Variants in RAD21L1 observed in about 807,000 individuals in gnomAD.
RAD21L1 encodes the protein double-strand-break repair protein rad21-like protein 1.
A neutral mutation model predicts 69.0 loss-of-function variants in RAD21L1; 47 were observed. The observed-to-expected ratio is 0.68, with a 90% confidence interval of 0.54 to 0.87. RAD21L1 has a LOEUF of 0.87. Among genes scored for constraint, RAD21L1 ranks in the 40% least tolerant of loss-of-function variants. The pLI, the probability that RAD21L1 is intolerant of heterozygous loss-of-function variation, is 0.00. For synonymous variants in RAD21L1, 177 were observed against 205.8 expected (o/e 0.86, Z 1.20); for missense variants, 583 against 647.6 (o/e 0.90, Z 1.08).
Position 1,254,433 on chromosome 20 carries a change from G to T in RAD21L1, c.1644G>T (p.Met548Ile). 1 of 1,541,442 alleles carries T rather than the reference G, an allele frequency of 6.5e-7. No homozygotes were observed. The stretch of plus-strand genomic sequence containing the variant: ...CCTATGCAGATATTATAGCTACGAT[G>T]GGACCAATGTTTTATAACATATGAA... ...SAPYADIIAT[M>I]GPMFYNI is the part of the protein sequence containing the mutation. Residue 548 changes from methionine (M) to isoleucine (I), a missense_variant, in exon 14 of 14, where the codon ATG (methionine) becomes ATT (isoleucine). By Grantham distance (10) the Met-to-Ile change is conservative (BLOSUM62 1). Transcript: ENST00000683101.
chr20:1,228,178 C>A (rs1447253428), intron 1 of RAD21L1, among the ~76,000 whole-genome samples: 2 of 152,118 alleles, frequency 1.3e-5, no homozygotes, highest in Non-Finnish European at 2.9e-5. Flanking sequence ...ATGAAGAAAT[C>A]ATTAATCAGG....
chr20:1,255,219 C>G lies in RAD21L1; in HGVS notation c.*762C>G, dbSNP rs1249411280. Among the ~76,000 whole-genome samples, 1 of 152,106 alleles carries G rather than the reference C, an allele frequency of 6.6e-6. No individual in the cohort carries two copies. Among genetic ancestry groups the G allele is most frequent in the Non-Finnish European group, 1.5e-5 (1 of 68,016 alleles). On this transcript the variant is annotated 3_prime_UTR_variant, in exon 14 of 14. Coordinates refer to ENST00000683101, the MANE Select transcript of RAD21L1 (RefSeq NM_001384355.1). ...ATTATTATAATCACCATTAATGTGT[C>G]AGCAAAACTAAATCTGCTTCTTATG...
At chr20:1,234,757 A>T (rs539357826) in intron 5 of RAD21L1, among the ~76,000 whole-genome samples, 8 of 150,602 alleles carry the variant, frequency 5.3e-5, no homozygotes, top group East Asian at 1.9e-4. Flanking sequence ...TTATTTTTAA[A>T]TTTTTTTTTT....
chr20:1,249,336 C>CA (rs1459534211), intron 13 of RAD21L1, among the ~76,000 whole-genome samples: 4 of 152,118 alleles, frequency 2.6e-5, no homozygotes, highest in African/African-American at 9.7e-5. Flanking sequence ...ATACTTTTAG[C>CA]ATAGTGTTAT....
intron 4 of RAD21L1, among the ~76,000 whole-genome samples, chr20:1,232,486 C>T (rs1357436805): frequency 5.3e-5 from 8 of 152,190 alleles, no homozygotes; most frequent in Admixed American, 5.2e-4. Flanking sequence ...AGTTCTCAGT[C>T]ATCATCTCAC....
chr20:1,238,202 G>A lies in RAD21L1; in HGVS notation c.634G>A (p.Gly212Arg), dbSNP rs1326636703. Reference protein sequence around the residue: ...GDGFGDEGAAGEMIDNLLQDD... With the variant: ...GDGFGDEGAAREMIDNLLQDD... ...TGGGTTTGGAGATGAAGGAGCTGCA[G>A]GAGAAATGATTGGTATGCTATCTGG... The change falls in exon 6 of 14, where the codon GGA (glycine) becomes AGA (arginine). Residue 212 changes from glycine to arginine, a missense_variant. Gly to Arg is a moderately radical substitution (Grantham distance 125). Coordinates refer to ENST00000683101, the MANE Select transcript of RAD21L1 (RefSeq NM_001384355.1). 1.3e-6 allele frequency: 2 copies of A among 1,512,390 alleles called. No homozygotes were observed. The highest frequency in any genetic ancestry group is 8.9e-7 in the Non-Finnish European group (1 of 1,122,428). 93.7% of individuals were successfully genotyped at this position (1,512,390 alleles called of 1,614,324 possible).
rs576509634 is a variant in RAD21L1 at position 1,228,432 on chromosome 20, A to G, written c.-22A>G. On this transcript the variant is annotated 5_prime_UTR_variant, in exon 2 of 14. It adds an upstream start codon to the 5' untranslated region. Transcript: ENST00000683101. The stretch of plus-strand genomic sequence containing the variant: ...TCGTGTTCTCTCTAGTTTGTTAAAT[A>G]CAAGTAAGGAACACAGGCAACATGT... 2 of 1,452,852 alleles carry G rather than the reference A, an allele frequency of 1.4e-6. No homozygotes were observed. Among genetic ancestry groups the G allele is most frequent in the South Asian group, 1.5e-5 (1 of 68,750 alleles). The allele number at this position is 1,452,852 out of a possible 1,614,324, so 90.0% of individuals were successfully genotyped here. A position where few individuals can be genotyped will look rare whatever the true frequency, so the allele number is the denominator to read the frequency against.
chr20:1,244,904 A>G (rs2087689226), intron 11 of RAD21L1, among the ~76,000 whole-genome samples: 2 of 152,212 alleles, frequency 1.3e-5, no homozygotes, highest in Admixed American at 6.5e-5. Flanking sequence ...ACAATTTCAC[A>G]GTGCATTCAA....
In RAD21L1 at chr20:1,255,004, A is replaced by G. The variant is rs185756212; in HGVS notation, c.*547A>G. Among the ~76,000 whole-genome samples, 6 of 152,314 alleles carry G rather than the reference A, an allele frequency of 3.9e-5. No homozygotes were observed. In the East Asian group the frequency reaches 9.6e-4, roughly 24 times the overall value. ...GTATTTACTTGAATTTTATGGGGTT[A>G]ATGAAAACATCATTATTTCTACACA... On this transcript the variant is annotated 3_prime_UTR_variant, in exon 14 of 14. Transcript: ENST00000683101.
At chr20:1,235,772 CT>C (rs11475976) in intron 5 of RAD21L1, among the ~76,000 whole-genome samples, 31,735 of 145,594 alleles carry the variant, frequency 0.22, 3,361 homozygotes, top group Non-Finnish European at 0.25. Flanking sequence ...TTTAGGATCA[CT>C]TTTTTTTTTT....
chr20:1,243,250 T>C, intron 10 of RAD21L1, 54 bp downstream of exon 10: 1 of 872,320 alleles, frequency 1.1e-6, no homozygotes, highest in South Asian at 1.9e-5. Flanking sequence ...AAACAAAAAT[T>C]TGATGTTTTA....
intron 1 of RAD21L1, 89 bp downstream of exon 1, chr20:1,226,229 C>A (rs1304243714): frequency 3.3e-5 from 5 of 151,978 alleles, no homozygotes; most frequent in Admixed American, 1.3e-4. Context: ...TTCCCACACG[C>A]ACCCGGCGCC....
intron 13 of RAD21L1, among the ~76,000 whole-genome samples, chr20:1,249,429 A>G (rs1259671441): frequency 2.6e-5 from 4 of 152,214 alleles, no homozygotes; most frequent in Non-Finnish European, 2.9e-5. Flanking sequence ...CTTAAAAAAG[A>G]CAGAAGTTTA....
rs773360664 is a variant in RAD21L1, at chr20:1,246,331, T to C, written c.1401+26T>C. On this transcript the variant is annotated intron_variant, in intron 12 of 13. Coordinates refer to ENST00000683101, the MANE Select transcript of RAD21L1 (RefSeq NM_001384355.1). This position sits in a 1 kb window ranked among gnomAD's most constrained non-coding sequence, Gnocchi z 4.6. ...GTAAATATATGTGTAGTCTTGGGGA[T>C]GTTCTTAAAAACTTTATTCCTAAAT... 8.1e-7 allele frequency: 1 copy of C among 1,241,138 alleles called. No homozygotes were observed. Among genetic ancestry groups the C allele is most frequent in the Non-Finnish European group, 1.1e-6 (1 of 911,310 alleles). 76.9% of individuals were successfully genotyped at this position (1,241,138 alleles called of 1,614,324 possible). A position where few individuals can be genotyped will look rare whatever the true frequency, so the allele number is the denominator to read the frequency against.
intron 5 of RAD21L1, 131 bp from the exon 6 acceptor site, chr20:1,237,909 GTCTT>G: frequency 8.2e-6 from 4 of 486,582 alleles, no homozygotes; most frequent in Non-Finnish European, 1.4e-5. Flanking sequence ...ATTCAAGTAA[GTCTT>G]TCAGCCATTC....
rs2087919184 is a variant in RAD21L1, at chr20:1,255,586, A to G, written c.*1129A>G. On this transcript the variant is annotated 3_prime_UTR_variant, in exon 14 of 14. Coordinates refer to ENST00000683101, the MANE Select transcript of RAD21L1 (RefSeq NM_001384355.1). ...CTTTTTAAAATTTCTTTTATTTTTT[A>G]AATTAACATACAGAAAATTTGACTT... Among the ~76,000 whole-genome samples the G allele has an allele frequency of 6.6e-6, 1 of 152,202 alleles. No homozygotes were observed. Among genetic ancestry groups the G allele is most frequent in the Admixed American group, 6.5e-5 (1 of 15,290 alleles).
rs1328971473 is a variant in RAD21L1 at position 1,246,338 on chromosome 20, A to G, written c.1401+33A>G. The G allele has an allele frequency of 1.7e-6, 2 of 1,144,900 alleles. No individual in the cohort carries two copies. The highest frequency in any genetic ancestry group is 3.4e-5 in the South Asian group (2 of 57,976). The allele number at this position is 1,144,900 out of a possible 1,614,324, so 70.9% of individuals were successfully genotyped here. On this transcript the variant is annotated intron_variant, in intron 12 of 13. Coordinates refer to ENST00000683101, the MANE Select transcript of RAD21L1 (RefSeq NM_001384355.1). This position sits in a 1 kb window ranked among gnomAD's most constrained non-coding sequence, Gnocchi z 4.6. ...TATGTGTAGTCTTGGGGATGTTCTT[A>G]AAAACTTTATTCCTAAATATTTAAC...
intron 8 of RAD21L1, among the ~76,000 whole-genome samples, chr20:1,241,785 C>G (rs899591221): frequency 1.3e-5 from 2 of 152,166 alleles, no homozygotes; most frequent in African/African-American, 4.8e-5. Context: ...AAGCAGGTTC[C>G]TGTACATTTT....
chr20:1,247,002 C>T (rs1051220007), intron 12 of RAD21L1, among the ~76,000 whole-genome samples: 2 of 152,070 alleles, frequency 1.3e-5, no homozygotes, highest in Non-Finnish European at 2.9e-5. Flanking sequence ...TATTGAGTTC[C>T]AAGACTCTTT....
Sources: allele counts gnomAD v4.1 joint callset (sites outside exome capture counted in the v4.1 genomes callset), GRCh38; gene constraint gnomAD v4.1.1; non-coding constraint Gnocchi (gnomAD v3.1); transcripts MANE v1.5; gene names NCBI Gene and HGNC (gene_info 2026-07-23, HGNC 2026-07-21).